The following LMTK2 variants were observed in gnomAD, a reference collection of about 807,000 sequenced individuals.
LMTK2 encodes the protein lemur tail kinase 2.
Under a neutral mutation model 127.5 loss-of-function variants are expected in LMTK2, and 37 were observed. The observed-to-expected ratio is 0.29, with a 90% CI of 0.22 to 0.38. LMTK2 has a LOEUF of 0.38. Ranked by LOEUF, LMTK2 falls within the 10% of genes least tolerant of loss-of-function variation. LMTK2 has a pLI of 1.00. For missense variants in LMTK2, 1,694 were observed against 1,920.3 expected (o/e 0.88, Z 2.20); for synonymous variants, 819 against 810.1 (o/e 1.01, Z -0.19).
chr7:98,170,165 C>T (rs1274656299), intron 6 of LMTK2, among the ~76,000 whole-genome samples: 2 of 152,212 alleles, frequency 1.3e-5, no homozygotes, highest in Non-Finnish European at 2.9e-5. Flanking sequence ...AAATTTCTTA[C>T]CCTCCCTAAG....
Position 98,171,604 on chromosome 7 carries a change from C to G in LMTK2, c.721C>G (p.Leu241Val), listed in dbSNP as rs1797192636. The G allele has an allele frequency of 5.0e-6, 8 of 1,612,826 alleles. No individual in the cohort carries two copies. In the East Asian group the frequency reaches 1.8e-4, roughly 36 times the overall value. ...EHMRGDSQTM[L>V]LQRMACEVAA... The stretch of plus-strand genomic sequence containing the variant: ...CATGCGGGGGGACTCACAGACCATG[C>G]TGCTGCAGAGGATGGCGTGCGAGGT... Residue 241 changes from leucine to valine, a missense_variant, in exon 7 of 14, where the codon CTG becomes GTG. By Grantham distance (32) the Leu-to-Val change is conservative. Around this residue, in one of 8 missense-constraint regions of LMTK2, gnomAD observed 203 missense variants for 226.2 expected, o/e 0.90. Coordinates refer to ENST00000297293, the MANE Select transcript of LMTK2 (RefSeq NM_014916.4). The surrounding 1 kb of genome is among the most constrained non-coding windows in gnomAD (Gnocchi z 5.1).
intron 2 of LMTK2, among the ~76,000 whole-genome samples, chr7:98,140,698 C>G (rs1009523791): frequency 6.6e-6 from 1 of 151,950 alleles, no homozygotes; most frequent in Non-Finnish European, 1.5e-5. Flanking sequence ...AATGCATATA[C>G]AACTTTAAAA....
chr7:98,147,605 T>TC (rs1796793254), intron 3 of LMTK2, among the ~76,000 whole-genome samples: 2 of 152,212 alleles, frequency 1.3e-5, no homozygotes, highest in South Asian at 4.1e-4. Context: ...CTTCTGGGAC[T>TC]CCAATTGATA....
chr7:98,185,116 T>A lies in LMTK2; in HGVS notation c.857T>A (p.Ile286Lys). The A allele has an allele frequency of 6.2e-7, 1 of 1,611,956 alleles. No homozygotes were observed. ...AATGTGAAAGTGGGAGATTACGGAATAGGATTCAGCAGGTACAAGGTAAGC... is the reference window on the plus strand; with the variant it reads ...AATGTGAAAGTGGGAGATTACGGAAAAGGATTCAGCAGGTACAAGGTAAGC... Reference protein sequence around the residue: ...DLNVKVGDYGIGFSRYKEDYI... With the variant: ...DLNVKVGDYGKGFSRYKEDYI... Residue 286 changes from isoleucine to lysine, a missense_variant, in exon 8 of 14, where the codon ATA (isoleucine) becomes AAA (lysine). By Grantham distance (102) the Ile-to-Lys change is moderately radical (BLOSUM62 -3). Coordinates refer to ENST00000297293, the MANE Select transcript of LMTK2 (RefSeq NM_014916.4).
At chr7:98,159,872 G>A (rs760505388) in intron 6 of LMTK2, among the ~76,000 whole-genome samples, 12 of 152,224 alleles carry the variant, frequency 7.9e-5, no homozygotes, top group Non-Finnish European at 8.8e-5. Context: ...CTCCTCATCC[G>A]TCAGCATCTG....
intron 1 of LMTK2, among the ~76,000 whole-genome samples, chr7:98,109,826 T>C (rs1357377105): frequency 1.3e-5 from 2 of 151,824 alleles, no homozygotes; most frequent in Non-Finnish European, 1.5e-5. Flanking sequence ...CAAAAGAGTT[T>C]ATTGATCCTC....
chr7:98,109,000 T>C (rs1796158934), intron 1 of LMTK2, among the ~76,000 whole-genome samples: 1 of 151,916 alleles, frequency 6.6e-6, no homozygotes. Flanking sequence ...TAGCTGGGAC[T>C]ACAGGCCCCT....
In LMTK2 at chr7:98,178,509, G is replaced by A. The variant is rs75722079; in HGVS notation, c.792-6542G>A. On this transcript the variant is annotated intron_variant, in intron 7 of 13. Transcript: ENST00000297293. ...GCAAGTGCTGCCAAGCTCAGGCGAC[G>A]CTGCCAGAGCCTTCTGAGAGCCGGG... Among the ~76,000 whole-genome samples the A allele has an allele frequency of 6.2e-3, 948 of 152,310 alleles. 4 individuals are homozygous for A. Among genetic ancestry groups the A allele is most frequent in the African/African-American group, 0.022 (896 of 41,558 alleles).
chr7:98,194,170 C>T lies in LMTK2; in HGVS notation c.3705C>T (p.Leu1235=), dbSNP rs765755810. The T allele has an allele frequency of 1.2e-5, 20 of 1,613,924 alleles. No homozygotes were observed. Among genetic ancestry groups the T allele is most frequent in the Non-Finnish European group, 1.5e-5 (18 of 1,180,048 alleles). Residue 1235 remains leucine, a synonymous_variant, in exon 11 of 14, where the codon CTC becomes CTT. Coordinates refer to ENST00000297293, the MANE Select transcript of LMTK2 (RefSeq NM_014916.4). The surrounding 1 kb of genome is among the most constrained non-coding windows in gnomAD (Gnocchi z 5.4). ...LASTGTNTNE[L]LAYTNSALDK... ...CCACGGGGACCAACACGAACGAACT[C>T]CTTGCCTACACCAATTCTGCGCTGG...
intron 7 of LMTK2, among the ~76,000 whole-genome samples, chr7:98,176,928 G>A (rs367898388): frequency 1.1e-4 from 16 of 152,212 alleles, no homozygotes; most frequent in African/African-American, 3.4e-4. Flanking sequence ...TGGTTTTCCC[G>A]TCTGTGTTAC....
At chr7:98,140,843 C>G (rs1796686859) in intron 2 of LMTK2, among the ~76,000 whole-genome samples, 1 of 150,088 alleles carries the variant, frequency 6.7e-6, no homozygotes, top group Admixed American at 6.7e-5. Flanking sequence ...AGGAGGATTG[C>G]TTGAGATCAG....
intron 1 of LMTK2, among the ~76,000 whole-genome samples, chr7:98,118,360 TAGAG>T (rs917203560): frequency 8.5e-5 from 13 of 152,136 alleles, no homozygotes; most frequent in South Asian, 6.2e-4. Context: ...AGAATTTAGT[TAGAG>T]AGGATTATTT....
At chr7:98,161,780 A>G (rs996424166) in intron 6 of LMTK2, among the ~76,000 whole-genome samples, 2 of 152,154 alleles carry the variant, frequency 1.3e-5, no homozygotes, top group African/African-American at 4.8e-5. Flanking sequence ...GGACACAGAG[A>G]TGCGCCCTCA....
intron 10 of LMTK2, 62 bp downstream of exon 10, chr7:98,190,939 C>T: frequency 7.3e-7 from 1 of 1,374,480 alleles, no homozygotes; most frequent in Non-Finnish European, 1.0e-6. Context: ...CCCCAAAACA[C>T]AAAAAAATTC....
intron 1 of LMTK2, among the ~76,000 whole-genome samples, chr7:98,116,035 T>C (rs982466): frequency 0.99 from 150,543 of 152,072 alleles, 74,537 homozygotes; most frequent in Middle Eastern, 1. Flanking sequence ...TAGGCGCATG[T>C]AACCATGCTT....
chr7:98,148,415 C>T (rs748924687), intron 3 of LMTK2, among the ~76,000 whole-genome samples: 2 of 151,574 alleles, frequency 1.3e-5, no homozygotes, highest in Non-Finnish European at 2.9e-5. Flanking sequence ...ATCACTTGAG[C>T]CTGGCAGGCA....
chr7:98,169,929 G>A (rs533810301), intron 6 of LMTK2, among the ~76,000 whole-genome samples: 3 of 152,150 alleles, frequency 2.0e-5, no homozygotes, highest in Non-Finnish European at 4.4e-5. Context: ...GCACGGCACC[G>A]AGGGAAGACC....
chr7:98,115,181 G>A (rs535562845), intron 1 of LMTK2, among the ~76,000 whole-genome samples: 20 of 152,202 alleles, frequency 1.3e-4, no homozygotes, highest in African/African-American at 4.1e-4. Flanking sequence ...GTGGGAGGTC[G>A]AGGTGGGTGG....
At chr7:98,205,178 A>G (rs759411482) in intron 13 of LMTK2, among the ~76,000 whole-genome samples, 4 of 152,200 alleles carry the variant, frequency 2.6e-5, no homozygotes, top group Non-Finnish European at 4.4e-5. Flanking sequence ...TGCCGATTAG[A>G]TAACACCTGC....
Sources: allele counts gnomAD v4.1 joint callset (sites outside exome capture counted in the v4.1 genomes callset), GRCh38; gene constraint gnomAD v4.1.1; regional missense constraint gnomAD v4.1.1; non-coding constraint Gnocchi (gnomAD v3.1); transcripts MANE v1.5; gene names NCBI Gene and HGNC (gene_info 2026-07-23, HGNC 2026-07-21).